The following ANKRD36C variants were observed in gnomAD, a reference collection of about 807,000 sequenced individuals.
The protein encoded by ANKRD36C is ankyrin repeat domain-containing protein 36C.
ANKRD36C carries 61 observed loss-of-function variants against 276.4 expected under a neutral mutation model. The observed-to-expected ratio is 0.22, with a 90% confidence interval of 0.18 to 0.27. The LOEUF is 0.27. Ranked by LOEUF, ANKRD36C falls within the 10% of genes least tolerant of loss-of-function variation. The probability of loss-of-function intolerance (pLI) is 1.00; values close to 1 mark genes in which losing one functional copy is unlikely to be tolerated. For missense variants in ANKRD36C, 1,447 were observed against 2,032.3 expected, an observed-to-expected ratio of 0.71 and a Z score of 5.54; for synonymous variants, 483 against 680.1, an observed-to-expected ratio of 0.71 and a Z score of 4.51.
intron 50 of ANKRD36C, among the ~76,000 whole-genome samples, chr2:95,886,823 C>T (rs1044871110): frequency 6.6e-6 from 1 of 151,526 alleles, no homozygotes; most frequent in African/African-American, 2.4e-5. Flanking sequence ...TTTCTCACAC[C>T]CATGTGCTGT....
At chr2:95,884,694 A>C (rs1297790419) in intron 52 of ANKRD36C, among the ~76,000 whole-genome samples, 1 of 152,090 alleles carries the variant, frequency 6.6e-6, no homozygotes, top group East Asian at 1.9e-4. Flanking sequence ...AACTCATACA[A>C]TTGAGAATCA....
At chr2:95,926,596 G>T (rs563306376) in intron 28 of ANKRD36C, among the ~76,000 whole-genome samples, 20 of 151,636 alleles carry the variant, frequency 1.3e-4, no homozygotes, top group African/African-American at 3.1e-4. Context: ...CACTGTGGTT[G>T]ATCCCAGTTC....
chr2:95,889,356 A>G (rs1367942138), intron 48 of ANKRD36C, among the ~76,000 whole-genome samples: 1 of 151,538 alleles, frequency 6.6e-6, no homozygotes, highest in Non-Finnish European at 1.5e-5. Flanking sequence ...CTTGAGGAAA[A>G]TAATTGCTAC....
At position 95,973,454 on chromosome 2, in the gene ANKRD36C, G is replaced by A. The variant is rs551304989; in HGVS notation, c.799+4668C>T. ...AATAAAAACATACATAAAATAATTT[G>A]CATCATTCAGGTCATTGTGATAATT... On this transcript the variant is annotated intron_variant, in intron 6 of 66. Coordinates refer to ENST00000456556, the Ensembl canonical transcript of ANKRD36C. Among the ~76,000 whole-genome samples, 3 of 152,152 alleles carry A rather than the reference G, an allele frequency of 2.0e-5. No individual in the cohort carries two copies. In the East Asian group the frequency reaches 5.8e-4, roughly 29 times the overall value.
intron 59 of ANKRD36C, among the ~76,000 whole-genome samples, chr2:95,871,256 C>A (rs1675804703): frequency 6.6e-6 from 1 of 152,106 alleles, no homozygotes; most frequent in African/African-American, 2.4e-5. Flanking sequence ...ATGTTAAGGG[C>A]AGCCAGAGAG....
chr2:95,884,286 T>G, intron 53 of ANKRD36C, 41 bp from the exon 74 acceptor site: 1 of 1,610,078 alleles, frequency 6.2e-7, no homozygotes, highest in Non-Finnish European at 8.5e-7. Context: ...CAATAAAGTA[T>G]GTTTCATAGA....
chr2:95,878,300 T>C (rs535309070), intron 58 of ANKRD36C, among the ~76,000 whole-genome samples: 83 of 152,168 alleles, frequency 5.5e-4, no homozygotes, highest in Non-Finnish European at 1.0e-3. Context: ...ATCAGTGCAA[T>C]GTTCACTGAT....
chr2:95,987,118 G>A (rs1445138006), exon 2 of ANKRD36C: 3 of 1,550,584 alleles, frequency 1.9e-6, no homozygotes. Flanking sequence ...CTGTCTTCAC[G>A]GTCGCAGAGG....
chr2:95,921,947 C>G, intron 32 of ANKRD36C, 137 bp from the exon 33 acceptor site: 1 of 943,216 alleles, frequency 1.1e-6, no homozygotes, highest in East Asian at 2.8e-5. Flanking sequence ...TGTCTTAAGC[C>G]AGGAGCATGA....
chr2:95,980,697 C>T, exon 5 of ANKRD36C: 2 of 1,612,780 alleles, frequency 1.2e-6, no homozygotes, highest in Non-Finnish European at 1.7e-6. Context: ...TTTCCATACA[C>T]ATCTCGAGAA....
At chr2:95,852,896 AT>A (rs1675326178) in intron 64 of ANKRD36C, 1 of 152,342 alleles carries the variant, frequency 6.6e-6, no homozygotes, top group South Asian at 2.1e-4. Context: ...GACTCAGGTC[AT>A]CATTAGGAGA....
At position 95,948,616 on chromosome 2, in the gene ANKRD36C, G is replaced by T. The variant is rs560970092; in HGVS notation, c.1296-20C>A. ...AGACACCTACAGAGCAAAAAGATATGAAAAAAATGAGCACGTTCATTTCTT... is the reference window on the plus strand; with the variant it reads ...AGACACCTACAGAGCAAAAAGATATTAAAAAAATGAGCACGTTCATTTCTT... On this transcript the variant is annotated intron_variant, in intron 16 of 66. Coordinates refer to ENST00000456556, the Ensembl canonical transcript of ANKRD36C. 63 of 1,529,978 alleles carry T rather than the reference G, an allele frequency of 4.1e-5. No homozygotes were observed. The highest frequency in any genetic ancestry group is 2.4e-4 in the African/African-American group (17 of 72,190). The allele number at this position is 1,529,978 out of a possible 1,614,324, so 94.8% of individuals were successfully genotyped here.
chr2:95,902,939 T>A, intron 42 of ANKRD36C: 1 of 1,590,226 alleles, frequency 6.3e-7, no homozygotes, highest in Non-Finnish European at 8.6e-7. Context: ...CAAAAGAGAA[T>A]CTTTCTCGTC....
chr2:95,990,398 T>C (rs1421729908), intron 1 of ANKRD36C, among the ~76,000 whole-genome samples: 2 of 152,222 alleles, frequency 1.3e-5, no homozygotes, highest in Admixed American at 1.3e-4. Context: ...AATAAATTCT[T>C]ACACATATTG....
At chr2:95,856,263 A>T (rs2260541) in intron 62 of ANKRD36C, 83 bp from the exon 83 acceptor site, 51 of 1,585,098 alleles carry the variant, frequency 3.2e-5, no homozygotes, top group Admixed American at 7.6e-5. Flanking sequence ...TAATAACCCG[A>T]ACATTTATAC....
intron 64 of ANKRD36C, 55 bp downstream of exon 84, chr2:95,853,654 A>G (rs901369221): frequency 1.0e-5 from 16 of 1,539,268 alleles, no homozygotes; most frequent in African/African-American, 4.1e-5. Context: ...AACACTTTAT[A>G]TTAGTTAACT....
chr2:95,914,682 CA>C (rs1476118731), intron 38 of ANKRD36C, among the ~76,000 whole-genome samples: 1 of 151,476 alleles, frequency 6.6e-6, no homozygotes, highest in Non-Finnish European at 1.5e-5. Context: ...GTCTTTCACA[CA>C]GGAAATCAAA....
chr2:95,896,242 C>T (rs1023892307), intron 44 of ANKRD36C, among the ~76,000 whole-genome samples: 3 of 149,226 alleles, frequency 2.0e-5, no homozygotes, highest in African/African-American at 7.4e-5. Flanking sequence ...TTTCTTCATC[C>T]ACTCTTGGCA....
At chr2:95,913,635 A>C (rs1002409989) in intron 40 of ANKRD36C, among the ~76,000 whole-genome samples, 3 of 151,372 alleles carry the variant, frequency 2.0e-5, no homozygotes, top group East Asian at 3.9e-4. Flanking sequence ...TCCTCTTTTC[A>C]CACCTTCCTG....
Sources: gnomAD v4.1 joint callset for allele counts (sites outside exome capture counted in the v4.1 genomes callset) on GRCh38, gnomAD v4.1.1 for gene constraint, MANE v1.5 for transcripts, NCBI Gene and HGNC (gene_info 2026-07-23, HGNC 2026-07-21) for gene names.